The following NBPF9 variants were observed in gnomAD, a reference collection of about 807,000 sequenced individuals.
NBPF9 encodes NBPF family member NBPF9.
Under a neutral mutation model 97.8 loss-of-function variants are expected in NBPF9, and 91 were observed. That is an observed-to-expected ratio of 0.93 (90% CI 0.79 to 1.11). The LOEUF (loss-of-function observed/expected upper bound fraction) is 1.11. Among genes scored for constraint, NBPF9 ranks in the 50% least tolerant of loss-of-function variants. The probability of loss-of-function intolerance (pLI) is 0.00; values close to 1 mark genes in which losing one functional copy is unlikely to be tolerated. For synonymous variants in NBPF9, 334 were observed against 359.5 expected (o/e 0.93, Z 0.80); for missense variants, 992 against 939.5 (o/e 1.06, Z -0.73).
chr1:149,075,057 G>A (rs587705263), intron 12 of NBPF9, among the ~76,000 whole-genome samples: 58 of 151,426 alleles, frequency 3.8e-4, no homozygotes, highest in Middle Eastern at 3.4e-3. Flanking sequence ...TGATCTGCCC[G>A]CCTCAGCCTC....
At chr1:149,086,378 G>C (rs1243765067) in intron 5 of NBPF9, among the ~76,000 whole-genome samples, 1 of 150,484 alleles carries the variant, frequency 6.6e-6, no homozygotes, top group Non-Finnish European at 1.5e-5. Context: ...CTTAAAGCAT[G>C]ACGAAATAAC....
Position 149,094,160 on chromosome 1 carries a change from G to C in NBPF9, c.-336-3266C>G, listed in dbSNP as rs587740345. ...CCAAAAGAAAAGATAAAATAAAGACGGTTCACTACTTAACTCCAAATATTA... is the reference window on the plus strand; with the variant it reads ...CCAAAAGAAAAGATAAAATAAAGACCGTTCACTACTTAACTCCAAATATTA... On this transcript the variant is annotated intron_variant, in intron 4 of 29. Coordinates refer to ENST00000584027, the Ensembl canonical transcript of NBPF9. 8.0e-4 allele frequency among the ~76,000 whole-genome samples: 121 copies of C among 151,682 alleles called. No individual in the cohort carries two copies. The Middle Eastern group carries it at 0.021, about 26-fold the overall frequency.
At chr1:149,086,534 G>C (rs1399969546) in intron 5 of NBPF9, among the ~76,000 whole-genome samples, 25 of 151,164 alleles carry the variant, frequency 1.7e-4, no homozygotes, top group African/African-American at 6.1e-4. Flanking sequence ...CAAGATAAGG[G>C]CCCCCAGCAC....
At chr1:149,060,134 T>C (rs1490520192) in intron 24 of NBPF9, 1 of 227,432 alleles carries the variant, frequency 4.4e-6, no homozygotes, top group African/African-American at 3.4e-5. Flanking sequence ...AAAACTGCAA[T>C]ATTTAGCCCT....
chr1:149,058,041 A>G, intron 27 of NBPF9, 123 bp downstream of exon 27: 3 of 276,348 alleles, frequency 1.1e-5, no homozygotes, highest in Non-Finnish European at 1.3e-5. Context: ...CAGCAATGTT[A>G]GTAGGAATAA....
At chr1:149,071,917 C>G (rs1342405724) in intron 14 of NBPF9, among the ~76,000 whole-genome samples, 15 of 151,814 alleles carry the variant, frequency 9.9e-5, no homozygotes, top group Non-Finnish European at 1.8e-4. Context: ...TTTCGCTTCC[C>G]ATATCACTGG....
rs1553653220 is a variant in NBPF9, at chr1:149,072,704, T to G, written c.1306+14A>C. The G allele has an allele frequency of 1.2e-6, 2 of 1,611,700 alleles. No homozygotes were observed. The highest frequency in any genetic ancestry group is 8.5e-7 in the Non-Finnish European group (1 of 1,179,586). On this transcript the variant is annotated intron_variant, in intron 14 of 29. Transcript: ENST00000584027. ...CCTGGGGTTTTGGGTCAACAGGGCCTATGGCCACCTTACCTGGGCTGAGCT... is the reference window on the plus strand; with the variant it reads ...CCTGGGGTTTTGGGTCAACAGGGCCGATGGCCACCTTACCTGGGCTGAGCT...
At chr1:149,055,945 C>A (rs9424776) in intron 29 of NBPF9, 46 bp from the exon 30 acceptor site, 12 of 1,611,564 alleles carry the variant, frequency 7.4e-6, no homozygotes, top group South Asian at 3.3e-5. Context: ...GAAAATCAGA[C>A]ACCACAGAGC....
chr1:149,062,800 C>A, intron 21 of NBPF9, 62 bp downstream of exon 21: 1 of 758,966 alleles, frequency 1.3e-6, no homozygotes, highest in Admixed American at 1.7e-5. Flanking sequence ...TCTTGTTTTC[C>A]CTGGACCTGG....
Position 149,068,527 on chromosome 1 carries a change from A to T in NBPF9, c.1637+1067T>A, listed in dbSNP as rs868950071. ...AACCAACAAAGATCAAAAGAGACAA[A>T]GAAGGCCACTACATAATGGTAAAGG... On this transcript the variant is annotated intron_variant, in intron 17 of 29. Coordinates refer to ENST00000584027, the Ensembl canonical transcript of NBPF9. 3.1e-3 allele frequency among the ~76,000 whole-genome samples: 476 copies of T among 151,496 alleles called. 2 individuals are homozygous for T. The highest frequency in any genetic ancestry group is 4.9e-3 in the Non-Finnish European group (331 of 68,008).
At chr1:149,065,018 A>C (rs2078942615) in intron 18 of NBPF9, 1 of 557,308 alleles carries the variant, frequency 1.8e-6, no homozygotes, top group Non-Finnish European at 3.2e-6. Context: ...CAGATGAGCT[A>C]AAACAAGCGA....
chr1:149,072,800 G>T lies in NBPF9; in HGVS notation c.1224C>A (p.Asp408Glu), dbSNP rs782064058. ...CTTGGAGGTCCTGCCCCTGGGACTT[G>T]TCCGGCTCATCCGGAGTGAGGAGGG... Residue 408 changes from aspartate to glutamate, a missense_variant, in exon 14 of 30, where the codon GAC becomes GAA. Asp to Glu is a conservative substitution (Grantham distance 45). Transcript: ENST00000584027. The T allele has an allele frequency of 2.1e-5, 34 of 1,583,524 alleles. No homozygotes were observed. The African/African-American group carries it at 4.3e-4, about 20-fold the overall frequency.
intron 5 of NBPF9, among the ~76,000 whole-genome samples, chr1:149,084,494 G>A (rs1288207716): frequency 1.4e-5 from 2 of 147,436 alleles, no homozygotes; most frequent in East Asian, 2.0e-4. Flanking sequence ...TAGCAGAGTC[G>A]TGGCGAGGAG....
chr1:149,058,067 A>C (rs2078344352), intron 27 of NBPF9, 97 bp downstream of exon 27: 2 of 379,370 alleles, frequency 5.3e-6, no homozygotes, highest in African/African-American at 4.2e-5. Context: ...GCTTGCTTGA[A>C]AAGATGTAAT....
At chr1:149,084,541 C>T (rs879986413) in intron 5 of NBPF9, among the ~76,000 whole-genome samples, 3 of 147,878 alleles carry the variant, frequency 2.0e-5, no homozygotes, top group Non-Finnish European at 3.0e-5. Flanking sequence ...CTCCCCCACC[C>T]ACCAGCCCAG....
At chr1:149,056,055 G>A (rs1172770432) in intron 29 of NBPF9, among the ~76,000 whole-genome samples, 156 bp from the exon 30 acceptor site, 1 of 151,946 alleles carries the variant, frequency 6.6e-6, no homozygotes, top group East Asian at 1.9e-4. Context: ...TTTATGTTGG[G>A]ATAGAACAGG....
At chr1:149,100,932 T>C (rs1283211471) in intron 3 of NBPF9, among the ~76,000 whole-genome samples, 2 of 148,730 alleles carry the variant, frequency 1.3e-5, no homozygotes, top group Non-Finnish European at 3.0e-5. Context: ...AGGCCCTGTC[T>C]GAAAAAAAAA....
chr1:149,072,295 C>T (rs182763033), intron 14 of NBPF9, among the ~76,000 whole-genome samples: 1 of 151,674 alleles, frequency 6.6e-6, no homozygotes, highest in Non-Finnish European at 1.5e-5. Context: ...TTGCAAGAGA[C>T]AATTTGTCTG....
At chr1:149,081,887 GGA>G (rs1559536260) in intron 7 of NBPF9, 76 bp downstream of exon 7, 2 of 937,494 alleles carry the variant, frequency 2.1e-6, no homozygotes, top group Non-Finnish European at 3.3e-6. Flanking sequence ...TATTTTTGAT[GGA>G]GAGAGCATTT....
Sources: gnomAD v4.1 joint callset for allele counts (sites outside exome capture counted in the v4.1 genomes callset) on GRCh38, gnomAD v4.1.1 for gene constraint, MANE v1.5 for transcripts, NCBI Gene and HGNC (gene_info 2026-07-23, HGNC 2026-07-21) for gene names.